Variants in SLC44A1 observed in about 807,000 individuals in gnomAD.
SLC44A1 encodes solute carrier family 44 member 1, also known as choline transporter-like protein 1.
In SLC44A1, 26 loss-of-function variants were observed where a neutral mutation model predicts 79.3. The ratio of observed to expected loss-of-function variants is 0.33; its 90% confidence interval spans 0.24 to 0.46. The LOEUF (loss-of-function observed/expected upper bound fraction) is 0.46, where lower values mean the gene tolerates loss of function less well. SLC44A1 is among the 20% of genes least tolerant of loss of function. SLC44A1 has a pLI of 1.00. For missense variants in SLC44A1, 688 were observed against 798.1 expected, an observed-to-expected ratio of 0.86 and a Z score of 1.66; for synonymous variants, 263 against 286.2, an observed-to-expected ratio of 0.92 and a Z score of 0.82.
chr9:105,389,066 A>G lies in SLC44A1; in HGVS notation c.*10A>G. ...AGCAAGTTCTGCTTGAACCTAGCCG[A>G]CGGTTATGGAAACCCATTGACATTC... On this transcript the variant is annotated 3_prime_UTR_variant, in exon 16 of 16. Transcript: ENST00000374720. 6.2e-7 allele frequency: 1 copy of G among 1,613,390 alleles called. No individual in the cohort carries two copies. The highest frequency in any genetic ancestry group is 1.7e-4 in the Middle Eastern group (1 of 6,060).
intron 15 of SLC44A1, among the ~76,000 whole-genome samples, chr9:105,404,081 A>G (rs1343136138): frequency 6.6e-6 from 1 of 151,948 alleles, no homozygotes; most frequent in Admixed American, 6.6e-5. Flanking sequence ...TAAATATACC[A>G]TGTGATTCAG....
chr9:105,413,745 A>G (rs984220974), intron 15 of SLC44A1, among the ~76,000 whole-genome samples: 1 of 152,206 alleles, frequency 6.6e-6, no homozygotes, highest in African/African-American at 2.4e-5. Flanking sequence ...TAGTGGAGTC[A>G]CTGGCTTTTC....
chr9:105,427,357 A>G lies in SLC44A1; in HGVS notation c.1951-10924A>G, dbSNP rs534315776. On this transcript the variant is annotated intron_variant, in intron 15 of 15. Coordinates refer to the SLC44A1 transcript ENST00000374724. Reference sequence around the variant, plus strand: ...TATTCTATTCAATAATTCTCCTATAATTGAATTCAGCAATTTCCTCTCAAA... The same window carrying G: ...TATTCTATTCAATAATTCTCCTATAGTTGAATTCAGCAATTTCCTCTCAAA... 2.6e-5 allele frequency among the ~76,000 whole-genome samples: 4 copies of G among 152,320 alleles called. No homozygotes were observed. In the East Asian group the frequency reaches 7.7e-4, roughly 29 times the overall value.
chr9:105,390,365 TTAATG>T lies in SLC44A1; in HGVS notation c.*1313_*1317del. 2.1e-6 allele frequency: 2 copies of T among 973,946 alleles called. No individual in the cohort carries two copies. Among genetic ancestry groups the T allele is most frequent in the Non-Finnish European group, 2.4e-6 (2 of 822,640 alleles). 60.3% of individuals were successfully genotyped at this position (973,946 alleles called of 1,614,324 possible). Reference sequence around the variant, plus strand: ...ATTTTTTTAAAAAAAGCTATTTTTGTTAATGTAAAGTAAATATTTCAGAGCAAATT... The same window carrying T: ...ATTTTTTTAAAAAAAGCTATTTTTGTTAAAGTAAATATTTCAGAGCAAATT... On this transcript the variant is annotated 3_prime_UTR_variant, in exon 16 of 16. Coordinates refer to ENST00000374720, the MANE Select transcript of SLC44A1 (RefSeq NM_080546.5).
rs748507423 is a variant in SLC44A1 at position 105,365,538 on chromosome 9, C to T, written c.1309C>T (p.Arg437Cys). The change falls in exon 11 of 16, where the codon CGT (arginine) becomes TGT (cysteine). Residue 437 changes from arginine to cysteine, a missense_variant. Transcript: ENST00000374720. ...TTTGGCATCAGTAAATCGCCTTATT[C>T]GTTACCACCTAGGTACGGTGGCAAA... ...PILASVNRLI[R>C]YHLGTVAKGS... 9.9e-6 allele frequency: 16 copies of T among 1,612,322 alleles called. No homozygotes were observed. The highest frequency in any genetic ancestry group is 1.7e-4 in the Middle Eastern group (1 of 6,050).
At chr9:105,421,221 C>T (rs1389996975) in intron 15 of SLC44A1, among the ~76,000 whole-genome samples, 1 of 152,122 alleles carries the variant, frequency 6.6e-6, no homozygotes, top group Non-Finnish European at 1.5e-5. Context: ...ATTAGATGTG[C>T]TGGAATGGCA....
intron 13 of SLC44A1, among the ~76,000 whole-genome samples, chr9:105,382,501 A>G (rs1178394459): frequency 6.6e-6 from 1 of 152,204 alleles, no homozygotes; most frequent in African/African-American, 2.4e-5. Context: ...AATACGAAAC[A>G]CAGAAAAAGT....
intron 1 of SLC44A1, among the ~76,000 whole-genome samples, chr9:105,280,854 T>C (rs893117981): frequency 1.1e-4 from 17 of 152,202 alleles, no homozygotes; most frequent in African/African-American, 4.1e-4. Flanking sequence ...AAGCTACCGA[T>C]GTAAAGTCCA....
chr9:105,268,659 C>T (rs775053734), intron 1 of SLC44A1, among the ~76,000 whole-genome samples: 9 of 152,080 alleles, frequency 5.9e-5, no homozygotes, highest in African/African-American at 1.2e-4. Context: ...CACCACCACG[C>T]CCAGCTAATT....
intron 15 of SLC44A1, among the ~76,000 whole-genome samples, chr9:105,423,578 C>T (rs188980905): frequency 6.6e-6 from 1 of 152,278 alleles, no homozygotes; most frequent in African/African-American, 2.4e-5. Flanking sequence ...ACTATTGTTC[C>T]TTGTTATAAA....
At chr9:105,271,049 C>T (rs953749977) in intron 1 of SLC44A1, among the ~76,000 whole-genome samples, 1 of 152,208 alleles carries the variant, frequency 6.6e-6, no homozygotes, top group Non-Finnish European at 1.5e-5. Flanking sequence ...TCTATGTAAT[C>T]AGTGGTTAAC....
chr9:105,430,641 T>C (rs1010678092), intron 15 of SLC44A1, among the ~76,000 whole-genome samples: 20 of 152,368 alleles, frequency 1.3e-4, no homozygotes, highest in African/African-American at 4.6e-4. Flanking sequence ...TGATGTGTGA[T>C]ATATTATATT....
intron 1 of SLC44A1, among the ~76,000 whole-genome samples, chr9:105,287,195 C>CT (rs1830498338): frequency 6.6e-6 from 1 of 152,018 alleles, no homozygotes; most frequent in African/African-American, 2.4e-5. Context: ...TCCTTTAAAA[C>CT]TTTAAGACCT....
chr9:105,307,508 G>T lies in SLC44A1; in HGVS notation c.127-2216G>T, dbSNP rs548570890. On this transcript the variant is annotated intron_variant, in intron 2 of 15. Transcript: ENST00000374720. ...AAGATACAAAAATTAGCTGCATGTGGTGGTGCATGCCTGTCCTCCCAGCTG... is the reference window on the plus strand; with the variant it reads ...AAGATACAAAAATTAGCTGCATGTGTTGGTGCATGCCTGTCCTCCCAGCTG... Among the ~76,000 whole-genome samples the T allele has an allele frequency of 2.6e-5, 4 of 152,204 alleles. No individual in the cohort carries two copies. The East Asian group carries it at 7.7e-4, about 29-fold the overall frequency.
intron 14 of SLC44A1, 104 bp from the exon 15 acceptor site, chr9:105,385,318 C>G: frequency 1.3e-6 from 1 of 776,922 alleles, no homozygotes; most frequent in Non-Finnish European, 2.1e-6. Context: ...TTAAGCCATC[C>G]ATTTACCAAG....
At chr9:105,376,375 C>CTT (rs34947116) in intron 13 of SLC44A1, among the ~76,000 whole-genome samples, 57 of 136,312 alleles carry the variant, frequency 4.2e-4, no homozygotes, top group Non-Finnish European at 5.8e-4. Context: ...ACACACACTG[C>CTT]TTTTTTTTTT....
chr9:105,250,970 G>A (rs914764916), intron 1 of SLC44A1, among the ~76,000 whole-genome samples: 3 of 151,998 alleles, frequency 2.0e-5, no homozygotes, highest in Admixed American at 6.6e-5. Flanking sequence ...AAGTTCCCCT[G>A]GTAGCCCTCG....
rs977101832 is a variant in SLC44A1, at chr9:105,428,730, G to A, written c.1951-9551G>A. On this transcript the variant is annotated intron_variant, in intron 15 of 15. Transcript: ENST00000374724. Reference sequence around the variant, plus strand: ...ACTTTTTTTTTTGAGATGGAGTCTCGTTCCCATTGCGCAGGCTGGAGGGCA... The same window carrying A: ...ACTTTTTTTTTTGAGATGGAGTCTCATTCCCATTGCGCAGGCTGGAGGGCA... 1.6e-4 allele frequency among the ~76,000 whole-genome samples: 25 copies of A among 152,198 alleles called. No homozygotes were observed. In the East Asian group the frequency reaches 2.3e-3, roughly 14 times the overall value.
chr9:105,415,896 ATT>A (rs10592448), intron 15 of SLC44A1, among the ~76,000 whole-genome samples: 4,104 of 117,820 alleles, frequency 0.035, 72 homozygotes, highest in African/African-American at 0.051. Flanking sequence ...GATTGACTGA[ATT>A]TTTTTTTTTT....
Sources: allele counts gnomAD v4.1 joint callset (sites outside exome capture counted in the v4.1 genomes callset), GRCh38; gene constraint gnomAD v4.1.1; transcripts MANE v1.5; gene names NCBI Gene and HGNC (gene_info 2026-07-23, HGNC 2026-07-21).